The following LINGO1 variants were observed in gnomAD, a reference collection of about 807,000 sequenced individuals.
The protein encoded by LINGO1 is leucine rich repeat and Ig domain containing 1.
A neutral mutation model predicts 37.3 loss-of-function variants in LINGO1; 11 were observed. The ratio of observed to expected loss-of-function variants is 0.29; its 90% CI spans 0.19 to 0.49. The LOEUF (loss-of-function observed/expected upper bound fraction) is 0.49, where lower values mean the gene tolerates loss of function less well. Ranked by LOEUF, LINGO1 falls within the 20% of genes least tolerant of loss-of-function variation. The probability of loss-of-function intolerance (pLI) is 0.99; values close to 1 mark genes in which losing one functional copy is unlikely to be tolerated. For missense variants in LINGO1, 585 were observed against 878.2 expected (o/e 0.67, Z 4.22); for synonymous variants, 387 against 403.0 (o/e 0.96, Z 0.48).
intron 2 of LINGO1, among the ~76,000 whole-genome samples, chr15:77,732,297 A>T (rs527704725): frequency 1.3e-4 from 20 of 152,366 alleles, no homozygotes; most frequent in African/African-American, 4.8e-4. Flanking sequence ...GACTGAGGTG[A>T]AAACCAACAG....
At chr15:77,722,364 C>T (rs988482081) in intron 2 of LINGO1, among the ~76,000 whole-genome samples, 2 of 152,316 alleles carry the variant, frequency 1.3e-5, no homozygotes, top group East Asian at 1.9e-4. Context: ...GGCCACAGGG[C>T]GTGGCAACCC....
chr15:77,751,455 T>C (rs896445418), intron 1 of LINGO1, among the ~76,000 whole-genome samples: 10 of 151,968 alleles, frequency 6.6e-5, no homozygotes, highest in Admixed American at 6.6e-5. Context: ...CTCACAGAGA[T>C]GGGAGTGAGC....
intron 2 of LINGO1, among the ~76,000 whole-genome samples, chr15:77,726,446 C>T (rs1009658355): frequency 6.6e-6 from 1 of 152,218 alleles, no homozygotes; most frequent in African/African-American, 2.4e-5. Flanking sequence ...GAGCACAAGT[C>T]CTGTCCTCAT....
intron 3 of LINGO1, among the ~76,000 whole-genome samples, chr15:77,672,044 A>G (rs1315257385): frequency 7.1e-6 from 1 of 139,986 alleles, no homozygotes; most frequent in African/African-American, 3.3e-5. Context: ...CCTGAGGCCA[A>G]GCACATGGGT....
intron 2 of LINGO1, among the ~76,000 whole-genome samples, chr15:77,685,344 C>A (rs543960535): frequency 2.6e-5 from 4 of 152,144 alleles, no homozygotes; most frequent in Admixed American, 2.0e-4. Flanking sequence ...GACCTTGGCT[C>A]CCTCACCTGT....
At chr15:77,709,918 C>G (rs941247370) in intron 2 of LINGO1, among the ~76,000 whole-genome samples, 1 of 152,244 alleles carries the variant, frequency 6.6e-6, no homozygotes, top group African/African-American at 2.4e-5. Context: ...TGAGACCCCA[C>G]ACGGTGTCCC....
chr15:77,717,071 G>A (rs577074251), intron 2 of LINGO1, among the ~76,000 whole-genome samples: 5 of 107,210 alleles, frequency 4.7e-5, no homozygotes, highest in South Asian at 3.1e-4. Context: ...AGCCTGAGCC[G>A]CGGGGTGCTC....
rs1272268004 is a variant in LINGO1, at chr15:77,777,467, A to ACG, written c.-257+9401_-257+9402insCG. ...AGATTTTGGACATATACACACACGCACACACACACACACACACACACACAC... is the reference window on the plus strand; with the variant it reads ...AGATTTTGGACATATACACACACGCACGCACACACACACACACACACACACAC... On this transcript the variant is annotated intron_variant, in intron 1 of 3. Transcript: ENST00000561686. Among the ~76,000 whole-genome samples the ACG allele has an allele frequency of 7.7e-3, 231 of 30,108 alleles. 1 individual carries two copies. Among genetic ancestry groups the ACG allele is most frequent in the African/African-American group, 0.014 (218 of 15,616 alleles). The allele number at this position is 30,108 out of a possible 152,430, so 19.8% of individuals were successfully genotyped here.
intron 1 of LINGO1, among the ~76,000 whole-genome samples, chr15:77,743,144 C>A (rs916111602): frequency 1.6e-4 from 25 of 152,106 alleles, no homozygotes; most frequent in Non-Finnish European, 8.8e-5. Flanking sequence ...CTTGGCTCTC[C>A]GGACTACCCC....
chr15:77,671,050 G>C (rs1042870577), intron 3 of LINGO1, among the ~76,000 whole-genome samples: 3 of 152,166 alleles, frequency 2.0e-5, no homozygotes, highest in African/African-American at 7.2e-5. Flanking sequence ...CCTCCCAAAA[G>C]CCTTACTTCA....
intron 1 of LINGO1, among the ~76,000 whole-genome samples, chr15:77,626,422 A>G (rs573177915): frequency 1.3e-5 from 2 of 152,322 alleles, no homozygotes; most frequent in East Asian, 3.9e-4. Flanking sequence ...GGCAGTTCAA[A>G]GCCCTCTCTA....
intron 1 of LINGO1, among the ~76,000 whole-genome samples, chr15:77,626,181 C>T (rs753845403): frequency 6.6e-6 from 1 of 152,150 alleles, no homozygotes; most frequent in Non-Finnish European, 1.5e-5. Flanking sequence ...GGAAGGACCC[C>T]AGCATCCCAA....
At chr15:77,721,970 G>T (rs1167014129) in intron 2 of LINGO1, among the ~76,000 whole-genome samples, 1 of 151,678 alleles carries the variant, frequency 6.6e-6, no homozygotes, top group East Asian at 1.9e-4. Flanking sequence ...AAATCCACTT[G>T]CTCATCAAGT....
At chr15:77,713,105 C>T (rs913386261) in intron 2 of LINGO1, among the ~76,000 whole-genome samples, 1 of 151,996 alleles carries the variant, frequency 6.6e-6, no homozygotes, top group Admixed American at 6.6e-5. Flanking sequence ...TGCAGTGGTA[C>T]AATCTTGGCT....
intron 3 of LINGO1, chr15:77,647,998 C>T (rs891673752): frequency 4.7e-5 from 21 of 450,220 alleles, no homozygotes; most frequent in African/African-American, 4.0e-4. Context: ...TCTTTCCTCC[C>T]TCTCTCTGGG....
chr15:77,730,527 C>T (rs528698329), intron 2 of LINGO1, among the ~76,000 whole-genome samples: 2 of 152,320 alleles, frequency 1.3e-5, no homozygotes, highest in East Asian at 3.9e-4. Context: ...CTGCCCCGTA[C>T]CCGTCTGTGC....
At chr15:77,658,052 G>T (rs1160413477) in intron 3 of LINGO1, among the ~76,000 whole-genome samples, 4 of 152,128 alleles carry the variant, frequency 2.6e-5, no homozygotes, top group African/African-American at 9.7e-5. Context: ...CATCACTCTG[G>T]ATGCCCCCAA....
chr15:77,796,895 G>A (rs908549615), intron 1 of LINGO1, among the ~76,000 whole-genome samples: 1 of 152,012 alleles, frequency 6.6e-6, no homozygotes, highest in Non-Finnish European at 1.5e-5. Flanking sequence ...TAATTTTTTT[G>A]TAAACTATGT....
rs1264989594 is a variant in LINGO1 at position 77,819,790 on chromosome 15, C to T, written c.-458+468G>A. On this transcript the variant is annotated intron_variant, in intron 1 of 5. Transcript: ENST00000562933. Reference sequence around the variant, plus strand: ...GCACCCTGCCTGGCCGGGCCGCGGCCGCGCTCCCAGCCCGAACCTGGGCCC... The same window carrying T: ...GCACCCTGCCTGGCCGGGCCGCGGCTGCGCTCCCAGCCCGAACCTGGGCCC... Among the ~76,000 whole-genome samples, 8 of 151,110 alleles carry T rather than the reference C, an allele frequency of 5.3e-5. 1 individual carries two copies. The highest frequency in any genetic ancestry group is 4.4e-5 in the Non-Finnish European group (3 of 67,664).
Sources: gnomAD v4.1 joint callset for allele counts (sites outside exome capture counted in the v4.1 genomes callset) on GRCh38, gnomAD v4.1.1 for gene constraint, MANE v1.5 for transcripts, NCBI Gene and HGNC (gene_info 2026-07-23, HGNC 2026-07-21) for gene names.